The following ACVR1B variants were observed in gnomAD, a reference collection of about 807,000 sequenced individuals.
The protein encoded by ACVR1B is activin A receptor type 1B.
ACVR1B carries 15 observed loss-of-function variants against 55.6 expected under a neutral mutation model. The ratio of observed to expected loss-of-function variants is 0.27; its 90% confidence interval spans 0.18 to 0.42. ACVR1B has a LOEUF of 0.42. Among genes scored for constraint, ACVR1B ranks in the 10% least tolerant of loss-of-function variants. ACVR1B has a pLI of 1.00. For synonymous variants in ACVR1B, 247 were observed against 254.6 expected, an observed-to-expected ratio of 0.97 and a Z score of 0.28; for missense variants, 359 against 670.1, an observed-to-expected ratio of 0.54 and a Z score of 5.13.
intron 3 of ACVR1B, among the ~76,000 whole-genome samples, chr12:51,977,951 GT>G (rs1345036363): frequency 6.6e-6 from 1 of 152,034 alleles, no homozygotes; most frequent in Non-Finnish European, 1.5e-5. Context: ...AACTTTGCGT[GT>G]TTTTATGTAT....
At chr12:51,970,799 C>T (rs918914062) in intron 1 of ACVR1B, among the ~76,000 whole-genome samples, 9 of 152,128 alleles carry the variant, frequency 5.9e-5, no homozygotes, top group African/African-American at 1.4e-4. Flanking sequence ...AAATCTCTAG[C>T]GTACCTAAAC....
intron 1 of ACVR1B, among the ~76,000 whole-genome samples, chr12:51,972,243 A>G (rs1339485436): frequency 6.6e-6 from 1 of 152,182 alleles, no homozygotes; most frequent in Non-Finnish European, 1.5e-5. Context: ...CCTGTCTCTA[A>G]AAAATAGATA....
At chr12:51,953,493 A>T in intron 1 of ACVR1B, 2 of 984,820 alleles carry the variant, frequency 2.0e-6, no homozygotes, top group Non-Finnish European at 2.4e-6. Flanking sequence ...AGAGCTTGAC[A>T]TTTGTGGTGA....
At chr12:51,985,491 C>T in intron 6 of ACVR1B, 143 bp downstream of exon 6, 1 of 892,740 alleles carries the variant, frequency 1.1e-6, no homozygotes, top group Non-Finnish European at 1.7e-6. Flanking sequence ...TTGAATTGAA[C>T]ATGCACTCCC....
At chr12:51,979,179 A>AG (rs1426670132) in intron 3 of ACVR1B, among the ~76,000 whole-genome samples, 1 of 149,294 alleles carries the variant, frequency 6.7e-6, no homozygotes, top group East Asian at 2.0e-4. Flanking sequence ...AAAAAAAAAA[A>AG]AAAAGGCCAG....
At chr12:51,983,967 T>C in intron 4 of ACVR1B, 32 bp from the exon 5 acceptor site, 1 of 1,612,934 alleles carries the variant, frequency 6.2e-7, no homozygotes, top group South Asian at 1.1e-5. Context: ...ATAGTTACAC[T>C]TTTTCTGGGA....
In ACVR1B at chr12:51,994,351, C is replaced by T; in HGVS notation, c.*241C>T. ...CTCTGAGAGCGAATTGTGTGGAGAA[C>T]TCAGTGCCACACCTCGAACTGGTTG... On this transcript the variant is annotated 3_prime_UTR_variant, in exon 9 of 9. Coordinates refer to ENST00000257963, the MANE Select transcript of ACVR1B (RefSeq NM_004302.5). This position sits in a 1 kb window ranked among gnomAD's most constrained non-coding sequence, Gnocchi z 4.2. 1 of 474,874 alleles carries T rather than the reference C, an allele frequency of 2.1e-6. No individual in the cohort carries two copies. The allele number at this position is 474,874 out of a possible 1,614,324, so 29.4% of individuals were successfully genotyped here.
chr12:51,963,721 T>A (rs1941585570), intron 1 of ACVR1B, among the ~76,000 whole-genome samples: 1 of 152,262 alleles, frequency 6.6e-6, no homozygotes, highest in Admixed American at 6.5e-5. Flanking sequence ...TTCCACCTTT[T>A]GGCTATTGTG....
intron 3 of ACVR1B, among the ~76,000 whole-genome samples, chr12:51,979,020 G>A (rs993595848): frequency 6.6e-6 from 1 of 150,806 alleles, no homozygotes; most frequent in African/African-American, 2.4e-5. Flanking sequence ...AAAATTAGCC[G>A]GGTGTAGTGG....
chr12:51,951,752 G>T lies in ACVR1B; in HGVS notation c.9G>T (p.Glu3Asp). Residue 3 changes from glutamate (E) to aspartate (D), a missense_variant, in exon 1 of 9, where the codon GAG becomes GAT. Glu to Asp is a conservative substitution (Grantham distance 45). Around this residue, in one of 5 missense-constraint regions of ACVR1B, gnomAD observed 48 missense variants for 40.6 expected, o/e 1.18. Transcript: ENST00000257963. MA[E>D]SAGASSFFPL... ...CGGCGGCGGTGGTTACTATGGCGGAGTCGGCCGGAGCCTCCTCCTTCTTCC... is the reference window on the plus strand; with the variant it reads ...CGGCGGCGGTGGTTACTATGGCGGATTCGGCCGGAGCCTCCTCCTTCTTCC... The T allele has an allele frequency of 7.8e-7, 1 of 1,275,970 alleles. No individual in the cohort carries two copies. Among genetic ancestry groups the T allele is most frequent in the Non-Finnish European group, 1.0e-6 (1 of 1,002,568 alleles). The allele number at this position is 1,275,970 out of a possible 1,614,324, so 79.0% of individuals were successfully genotyped here. A position where few individuals can be genotyped will look rare whatever the true frequency, so the allele number is the denominator to read the frequency against.
At position 51,986,414 on chromosome 12, in the gene ACVR1B, A is replaced by G. The variant is rs537717002; in HGVS notation, c.1137-404A>G. Among the ~76,000 whole-genome samples, 23 of 152,156 alleles carry G rather than the reference A, an allele frequency of 1.5e-4. No homozygotes were observed. The East Asian group carries it at 4.3e-3, about 28-fold the overall frequency. ...GCTGGGATTACAGGCGCCTGCCACC[A>G]TGCCTGGCTAATTTTTTGTATTTGT... On this transcript the variant is annotated intron_variant, in intron 6 of 8. Coordinates refer to ENST00000257963, the MANE Select transcript of ACVR1B (RefSeq NM_004302.5).
At chr12:51,976,827 C>G (rs1021107394) in intron 3 of ACVR1B, among the ~76,000 whole-genome samples, 4 of 152,228 alleles carry the variant, frequency 2.6e-5, no homozygotes, top group African/African-American at 9.6e-5. Flanking sequence ...TCCTGCCTCT[C>G]TAAGCTTTGC....
At chr12:51,958,988 G>T (rs768927407) in intron 1 of ACVR1B, among the ~76,000 whole-genome samples, 1 of 152,214 alleles carries the variant, frequency 6.6e-6, no homozygotes, top group Non-Finnish European at 1.5e-5. Flanking sequence ...AGTAGTAAAC[G>T]AAAGGAGACA....
intron 7 of ACVR1B, among the ~76,000 whole-genome samples, chr12:51,988,364 G>A (rs567625580): frequency 6.6e-6 from 1 of 152,338 alleles, no homozygotes; most frequent in South Asian, 2.1e-4. Context: ...AGCTACTTGG[G>A]AGGCTGAGGC....
At chr12:51,987,164 C>G in intron 7 of ACVR1B, 1 of 720,882 alleles carries the variant, frequency 1.4e-6, no homozygotes, top group Non-Finnish European at 2.6e-6. Context: ...GTTATGGTAA[C>G]CATTCTGAAG....
chr12:51,973,109 A>G (rs1941776378), intron 1 of ACVR1B, among the ~76,000 whole-genome samples: 1 of 152,224 alleles, frequency 6.6e-6, no homozygotes, highest in Non-Finnish European at 1.5e-5. Flanking sequence ...TTCGTTCTCC[A>G]GAATGAATCA....
intron 7 of ACVR1B, among the ~76,000 whole-genome samples, chr12:51,989,785 A>G (rs374912371): frequency 7.9e-4 from 120 of 152,186 alleles, no homozygotes; most frequent in South Asian, 3.5e-3. Context: ...GGAGTTTGCA[A>G]CCAGTCTGGC....
chr12:51,972,072 G>GA (rs1435890531), intron 1 of ACVR1B, among the ~76,000 whole-genome samples: 2 of 152,118 alleles, frequency 1.3e-5, no homozygotes, highest in East Asian at 3.8e-4. Context: ...TTGAGGGGGG[G>GA]ATTAATATTT....
intron 7 of ACVR1B, among the ~76,000 whole-genome samples, chr12:51,989,592 G>A (rs1942150072): frequency 6.6e-6 from 1 of 152,028 alleles, no homozygotes; most frequent in Non-Finnish European, 1.5e-5. Flanking sequence ...GCCTAAATTG[G>A]CTTTTTAAAA....
Sources: gnomAD v4.1 joint callset for allele counts (sites outside exome capture counted in the v4.1 genomes callset) on GRCh38, gnomAD v4.1.1 for gene constraint, gnomAD v4.1.1 regional missense constraint, Gnocchi (gnomAD v3.1) non-coding constraint, MANE v1.5 for transcripts, NCBI Gene and HGNC (gene_info 2026-07-23, HGNC 2026-07-21) for gene names.